The following MPDZ variants were observed in gnomAD, a reference collection of about 807,000 sequenced individuals.
The protein encoded by MPDZ is multiple PDZ domain protein.
A neutral mutation model predicts 239.1 loss-of-function variants in MPDZ; 234 were observed. The observed-to-expected ratio is 0.98, with a 90% confidence interval of 0.88 to 1.09. The LOEUF is 1.09. Among genes scored for constraint, MPDZ ranks in the 50% least tolerant of loss-of-function variants. The probability of loss-of-function intolerance (pLI) is 0.00; values close to 1 mark genes in which losing one functional copy is unlikely to be tolerated. For missense variants in MPDZ, 3,175 were observed against 2,510.0 expected (o/e 1.26, Z -5.66); for synonymous variants, 1,048 against 881.3 (o/e 1.19, Z -3.35).
chr9:13,216,654 G>A, intron 10 of MPDZ, 120 bp downstream of exon 10: 1 of 626,740 alleles, frequency 1.6e-6, no homozygotes, highest in South Asian at 2.6e-5. Context: ...ATAGCCTCAA[G>A]TCACCAAAAA....
At chr9:13,177,460 T>C (rs575951772) in intron 19 of MPDZ, among the ~76,000 whole-genome samples, 19 of 152,298 alleles carry the variant, frequency 1.2e-4, no homozygotes, top group Non-Finnish European at 2.4e-4. Flanking sequence ...TACATATAAG[T>C]ACACATGCAC....
chr9:13,221,687 A>G (rs77836965), intron 6 of MPDZ, among the ~76,000 whole-genome samples, 187 bp from the exon 7 acceptor site: 3,337 of 152,192 alleles, frequency 0.022, 138 homozygotes, highest in African/African-American at 0.075. Flanking sequence ...TGCCATTGAC[A>G]GAATCATTCT....
rs531585698 is a variant in MPDZ at position 13,114,443 on chromosome 9, C to T, written c.5467-422G>A. Among the ~76,000 whole-genome samples, 60 of 152,122 alleles carry T rather than the reference C, an allele frequency of 3.9e-4. 1 individual carries two copies. In the South Asian group the frequency reaches 9.6e-3, roughly 24 times the overall value. On this transcript the variant is annotated intron_variant, in intron 40 of 46. Transcript: ENST00000319217. ...AGGACAGACTGATGAAAATGGGTTTCCATCATCAGTAGACAACACTGAGGA... is the reference window on the plus strand; with the variant it reads ...AGGACAGACTGATGAAAATGGGTTTTCATCATCAGTAGACAACACTGAGGA...
At chr9:13,152,974 C>G (rs145333412) in intron 24 of MPDZ, among the ~76,000 whole-genome samples, 1 of 152,034 alleles carries the variant, frequency 6.6e-6, no homozygotes, top group Admixed American at 6.6e-5. Context: ...ATCGACGAAA[C>G]AGAACTTTAA....
chr9:13,242,277 G>A (rs1218304061), intron 3 of MPDZ, among the ~76,000 whole-genome samples: 1 of 127,406 alleles, frequency 7.8e-6, no homozygotes, highest in African/African-American at 2.9e-5. Flanking sequence ...CCAGGCTGGA[G>A]TGCAGTGGCG....
At chr9:13,234,086 T>C (rs1171436794) in intron 3 of MPDZ, among the ~76,000 whole-genome samples, 1 of 152,190 alleles carries the variant, frequency 6.6e-6, no homozygotes, top group African/African-American at 2.4e-5. Context: ...AAATTCTTTT[T>C]TGGAAATAAT....
intron 3 of MPDZ, among the ~76,000 whole-genome samples, chr9:13,236,029 G>C (rs901086462): frequency 6.6e-6 from 1 of 151,620 alleles, no homozygotes; most frequent in African/African-American, 2.4e-5. Flanking sequence ...GTCGACTTAA[G>C]TGGATGAATG....
At chr9:13,248,671 T>C (rs1332050247) in intron 2 of MPDZ, among the ~76,000 whole-genome samples, 1 of 151,718 alleles carries the variant, frequency 6.6e-6, no homozygotes, top group African/African-American at 2.4e-5. Context: ...CCAGTAATGT[T>C]AAAAAGTGGG....
rs548639226 is a variant in MPDZ, at chr9:13,212,847, C to A, written c.1290+3927G>T. ...GCCAACATCCTCGTAGTGTGCACTG[C>A]AGACACTGCAATTAACAGGAACAAT... On this transcript the variant is annotated intron_variant, in intron 10 of 46. Transcript: ENST00000319217. 1.9e-3 allele frequency among the ~76,000 whole-genome samples: 278 copies of A among 147,086 alleles called. 1 individual carries two copies. The highest frequency in any genetic ancestry group is 2.8e-3 in the Non-Finnish European group (189 of 66,864).
intron 10 of MPDZ, among the ~76,000 whole-genome samples, chr9:13,210,708 G>A (rs1957518606): frequency 6.6e-6 from 1 of 152,040 alleles, no homozygotes; most frequent in African/African-American, 2.4e-5. Flanking sequence ...GACTCCAAGG[G>A]AATGATGGGA....
intron 1 of MPDZ, among the ~76,000 whole-genome samples, chr9:13,255,895 G>A (rs1270044213): frequency 6.6e-6 from 1 of 152,178 alleles, no homozygotes; most frequent in African/African-American, 2.4e-5. Context: ...CTTAATGAGA[G>A]AGCCTCTTTA....
intron 35 of MPDZ, among the ~76,000 whole-genome samples, chr9:13,124,789 C>A (rs1251168449): frequency 6.6e-6 from 1 of 152,074 alleles, no homozygotes; most frequent in Non-Finnish European, 1.5e-5. Flanking sequence ...CATATCCATT[C>A]TACAGAAAAG....
At chr9:13,143,425 G>A in intron 27 of MPDZ, 41 bp downstream of exon 27, 1 of 1,455,304 alleles carries the variant, frequency 6.9e-7, no homozygotes, top group Non-Finnish European at 9.6e-7. Context: ...CAAAACATTT[G>A]CAAAAGGCAA....
intron 18 of MPDZ, among the ~76,000 whole-genome samples, chr9:13,185,303 C>A (rs539826699): frequency 6.6e-6 from 1 of 152,010 alleles, no homozygotes; most frequent in East Asian, 1.9e-4. Flanking sequence ...GAATTGTCTC[C>A]CCCGAAATTA....
chr9:13,161,704 C>T (rs1950513322), intron 23 of MPDZ, among the ~76,000 whole-genome samples: 1 of 152,112 alleles, frequency 6.6e-6, no homozygotes, highest in African/African-American at 2.4e-5. Context: ...CACAGGCCCA[C>T]AACTGAGAGT....
At chr9:13,220,788 AC>A (rs1959009331) in intron 7 of MPDZ, among the ~76,000 whole-genome samples, 1 of 152,020 alleles carries the variant, frequency 6.6e-6, no homozygotes, top group Non-Finnish European at 1.5e-5. Flanking sequence ...ACTTACTTAA[AC>A]CAGTAAGCCT....
intron 1 of MPDZ, among the ~76,000 whole-genome samples, chr9:13,277,082 C>T (rs1974381212): frequency 1.3e-5 from 2 of 152,224 alleles, no homozygotes; most frequent in African/African-American, 4.8e-5. Context: ...GCCTCTATTC[C>T]TCACAGTTAG....
At chr9:13,123,095 G>T in intron 36 of MPDZ, 58 bp downstream of exon 36, 1 of 1,488,294 alleles carries the variant, frequency 6.7e-7, no homozygotes, top group Non-Finnish European at 9.0e-7. Context: ...CCCCATAATC[G>T]TCTCTGAGGC....
intron 32 of MPDZ, among the ~76,000 whole-genome samples, chr9:13,132,305 A>C (rs971455495): frequency 1.1e-4 from 17 of 152,218 alleles, no homozygotes; most frequent in African/African-American, 4.1e-4. Context: ...AGAAGACGAA[A>C]GTGAGGACCA....
Sources: gnomAD v4.1 joint callset for allele counts (sites outside exome capture counted in the v4.1 genomes callset) on GRCh38, gnomAD v4.1.1 for gene constraint, MANE v1.5 for transcripts, NCBI Gene and HGNC (gene_info 2026-07-23, HGNC 2026-07-21) for gene names.